Variants in SULF1 observed in about 807,000 individuals in gnomAD.
SULF1 encodes the protein sulfatase 1, also known as extracellular sulfatase Sulf-1.
In SULF1, 46 loss-of-function variants were observed where a neutral mutation model predicts 110.5. That is an observed-to-expected ratio of 0.42 (90% CI 0.33 to 0.53). The LOEUF is 0.53. SULF1 is among the 20% of genes least tolerant of loss of function. The pLI, the probability that SULF1 is intolerant of heterozygous loss-of-function variation, is 0.12. For missense variants in SULF1, 941 were observed against 1,094.2 expected (o/e 0.86, Z 1.98); for synonymous variants, 371 against 387.1 (o/e 0.96, Z 0.49).
chr8:69,588,930 C>T, intron 7 of SULF1, 42 bp from the exon 8 acceptor site: 1 of 1,581,322 alleles, frequency 6.3e-7, no homozygotes, highest in Non-Finnish European at 8.6e-7. Flanking sequence ...TGATGAATGT[C>T]ACCTTTTGTA....
At chr8:69,640,042 T>G (rs931462536) in intron 21 of SULF1, among the ~76,000 whole-genome samples, 8 of 151,466 alleles carry the variant, frequency 5.3e-5, no homozygotes, top group Non-Finnish European at 1.2e-4. Context: ...CCTGCTTATC[T>G]GTTGACCTTT....
At chr8:69,520,720 GT>G (rs1586289964) in intron 3 of SULF1, among the ~76,000 whole-genome samples, 1 of 152,088 alleles carries the variant, frequency 6.6e-6, no homozygotes, top group East Asian at 1.9e-4. Flanking sequence ...AAAGCCTTAG[GT>G]TCCACCTGGT....
chr8:69,620,464 G>A (rs1306033276), intron 13 of SULF1, among the ~76,000 whole-genome samples: 1 of 152,184 alleles, frequency 6.6e-6, no homozygotes, highest in Non-Finnish European at 1.5e-5. Context: ...ATATCACAAT[G>A]TTCTTAGAAG....
At chr8:69,523,248 G>A (rs1812436019) in intron 3 of SULF1, among the ~76,000 whole-genome samples, 1 of 152,142 alleles carries the variant, frequency 6.6e-6, no homozygotes, top group Non-Finnish European at 1.5e-5. Context: ...AGTAGATGCT[G>A]GCGGGTGAAC....
intron 22 of SULF1, chr8:69,642,110 A>C (rs1811525977): frequency 1.9e-6 from 1 of 527,284 alleles, no homozygotes; most frequent in South Asian, 8.2e-5. Flanking sequence ...AAGAAATGTG[A>C]ACTTAATTGG....
At chr8:69,498,578 C>T (rs1001537) in intron 2 of SULF1, among the ~76,000 whole-genome samples, 22,033 of 152,056 alleles carry the variant, frequency 0.14, 2,430 homozygotes, top group East Asian at 0.54. Context: ...GCCATAGAGA[C>T]GGTAAACTAA....
At chr8:69,527,697 T>A (rs1290589293) in intron 3 of SULF1, among the ~76,000 whole-genome samples, 1 of 152,140 alleles carries the variant, frequency 6.6e-6, no homozygotes, top group African/African-American at 2.4e-5. Context: ...TAAACAACCC[T>A]TATCCATACA....
intron 3 of SULF1, among the ~76,000 whole-genome samples, chr8:69,523,322 G>A (rs1448247772): frequency 1.3e-5 from 2 of 152,172 alleles, no homozygotes; most frequent in African/African-American, 2.4e-5. Flanking sequence ...CCCCAGTGAA[G>A]TATAAACCAA....
At chr8:69,605,921 A>G (rs1045933371) in intron 13 of SULF1, among the ~76,000 whole-genome samples, 1 of 152,202 alleles carries the variant, frequency 6.6e-6, no homozygotes, top group Non-Finnish European at 1.5e-5. Context: ...GTCTGATTCA[A>G]TAACTCAGGC....
chr8:69,507,560 A>G (rs1269112372), intron 3 of SULF1, among the ~76,000 whole-genome samples: 1 of 152,232 alleles, frequency 6.6e-6, no homozygotes, highest in Non-Finnish European at 1.5e-5. Context: ...TGGTGGGGTC[A>G]AATCCTGTTA....
chr8:69,584,554 A>ATAAGTTGAAAATAAGG (rs1806308505), intron 6 of SULF1: 1 of 152,258 alleles, frequency 6.6e-6, no homozygotes, highest in Admixed American at 6.5e-5. Context: ...TAAACCCATC[A>ATAAGTTGAAAATAAGG]TAAGTTGAAA....
At chr8:69,576,312 A>G in intron 6 of SULF1, 103 bp downstream of exon 6, 1 of 1,376,882 alleles carries the variant, frequency 7.3e-7, no homozygotes, top group Non-Finnish European at 9.9e-7. Flanking sequence ...AAATACCTAA[A>G]AAAGGATCAA....
intron 6 of SULF1, among the ~76,000 whole-genome samples, chr8:69,579,824 T>C (rs1057242806): frequency 6.6e-6 from 1 of 152,154 alleles, no homozygotes; most frequent in Admixed American, 6.5e-5. Context: ...GACACTAAAC[T>C]AGTAGGGAGA....
At chr8:69,575,353 A>C (rs780060792) in intron 5 of SULF1, among the ~76,000 whole-genome samples, 1 of 152,184 alleles carries the variant, frequency 6.6e-6, no homozygotes, top group Non-Finnish European at 1.5e-5. Context: ...AATTGTGCAT[A>C]AATAGGTCAA....
chr8:69,505,002 T>C (rs1197970005), intron 3 of SULF1, among the ~76,000 whole-genome samples: 1 of 152,202 alleles, frequency 6.6e-6, no homozygotes. Flanking sequence ...AGTTCTTTCA[T>C]TTAATATTCA....
intron 3 of SULF1, among the ~76,000 whole-genome samples, chr8:69,537,154 G>A (rs192309202): frequency 1.1e-4 from 16 of 152,248 alleles, no homozygotes; most frequent in East Asian, 5.8e-4. Flanking sequence ...TGTGCCCTGG[G>A]GAGAGAGTGA....
intron 1 of SULF1, among the ~76,000 whole-genome samples, chr8:69,485,207 C>T (rs893427445): frequency 6.6e-6 from 1 of 152,186 alleles, no homozygotes; most frequent in African/African-American, 2.4e-5. Context: ...CATAAATTTT[C>T]CCCAAAATAG....
chr8:69,616,141 CACAT>C (rs1206255493), intron 13 of SULF1, among the ~76,000 whole-genome samples: 1 of 137,998 alleles, frequency 7.2e-6, no homozygotes, highest in African/African-American at 2.7e-5. Flanking sequence ...TATATATACA[CACAT>C]ATATGTGTGT....
chr8:69,484,518 A>G (rs1809622071), intron 1 of SULF1, among the ~76,000 whole-genome samples: 1 of 152,252 alleles, frequency 6.6e-6, no homozygotes, highest in Non-Finnish European at 1.5e-5. Context: ...CCAGAAAAAC[A>G]AATAAATGAA....
Sources: gnomAD v4.1 joint callset for allele counts (sites outside exome capture counted in the v4.1 genomes callset) on GRCh38, gnomAD v4.1.1 for gene constraint, MANE v1.5 for transcripts, NCBI Gene and HGNC (gene_info 2026-07-23, HGNC 2026-07-21) for gene names.